RNF138: variants seen among roughly 807,000 people sequenced by gnomAD.
The protein encoded by RNF138 is ring finger protein 138, also known as E3 ubiquitin-protein ligase RNF138.
RNF138 carries 12 observed loss-of-function variants against 31.0 expected under a neutral mutation model. That is an observed-to-expected ratio of 0.39 (90% confidence interval 0.25 to 0.63). The LOEUF is 0.63. Ranked by LOEUF, RNF138 falls within the 20% of genes least tolerant of loss-of-function variation. The pLI is 0.52. For missense variants in RNF138, 192 were observed against 300.1 expected, an observed-to-expected ratio of 0.64 and a Z score of 2.66; for synonymous variants, 105 against 99.5, an observed-to-expected ratio of 1.06 and a Z score of -0.33.
At chr18:32,122,990 T>C (rs912996837) in intron 4 of RNF138, among the ~76,000 whole-genome samples, 6 of 152,342 alleles carry the variant, frequency 3.9e-5, no homozygotes, top group African/African-American at 1.4e-4. Flanking sequence ...AGATGTTAAG[T>C]TGTTCTGTAT....
chr18:32,094,400 A>G (rs2039767727), intron 2 of RNF138, among the ~76,000 whole-genome samples: 1 of 152,084 alleles, frequency 6.6e-6, no homozygotes, highest in African/African-American at 2.4e-5. Flanking sequence ...GTGGATTTTC[A>G]TGATAGAAAT....
At chr18:32,096,221 C>T (rs1033585210) in intron 2 of RNF138, among the ~76,000 whole-genome samples, 3 of 152,160 alleles carry the variant, frequency 2.0e-5, no homozygotes, top group Non-Finnish European at 4.4e-5. Context: ...GCAGCGTGGT[C>T]ACATTTCATT....
intron 2 of RNF138, among the ~76,000 whole-genome samples, chr18:32,099,346 A>T (rs1329714322): frequency 1.3e-5 from 2 of 152,138 alleles, no homozygotes; most frequent in African/African-American, 4.8e-5. Flanking sequence ...CTGAAGAAAC[A>T]TGCTTGGTTG....
rs1352756036 is a variant in RNF138 at position 32,099,909 on chromosome 18, G to T, written c.110+7023G>T. ...TAAATTCTGACAAATGGAATTGCTG[G>T]GTCAAAGGGTAGATACAAACAAATA... is the stretch of plus-strand genomic sequence containing the variant. On this transcript the variant is annotated intron_variant, in intron 2 of 7. Coordinates refer to ENST00000261593, the MANE Select transcript of RNF138 (RefSeq NM_016271.5). Among the ~76,000 whole-genome samples the T allele has an allele frequency of 2.0e-5, 3 of 152,260 alleles. No homozygotes were observed. The South Asian group carries it at 6.2e-4, about 32-fold the overall frequency.
intron 2 of RNF138, among the ~76,000 whole-genome samples, chr18:32,108,761 TG>T (rs2040077211): frequency 6.6e-6 from 1 of 152,110 alleles, no homozygotes; most frequent in Non-Finnish European, 1.5e-5. Context: ...CTTGACCCCC[TG>T]GACTCAAGCA....
intron 4 of RNF138, chr18:32,114,079 T>C (rs974425487): frequency 5.2e-5 from 18 of 346,726 alleles, no homozygotes; most frequent in Non-Finnish European, 7.2e-5. Flanking sequence ...CTTCAGCTTA[T>C]GTTATTTAAA....
At chr18:32,122,503 C>T (rs2040322843) in intron 4 of RNF138, 1 of 152,096 alleles carries the variant, frequency 6.6e-6, no homozygotes, top group Non-Finnish European at 1.5e-5. Context: ...AAGATTTCTA[C>T]TATTGAAAGA....
intron 2 of RNF138, among the ~76,000 whole-genome samples, chr18:32,093,222 G>A (rs1337214964): frequency 2.0e-5 from 3 of 152,062 alleles, no homozygotes; most frequent in Admixed American, 6.5e-5. Context: ...GGCCCCTGTC[G>A]TCTCCGCCAG....
chr18:32,106,838 T>A (rs2040037760), intron 2 of RNF138, among the ~76,000 whole-genome samples: 1 of 152,150 alleles, frequency 6.6e-6, no homozygotes, highest in African/African-American at 2.4e-5. Flanking sequence ...AGTGCTGGTA[T>A]TACAGGCGTG....
At chr18:32,092,632 G>C (rs1598839457) in intron 1 of RNF138, 68 bp from the exon 2 acceptor site, 20 of 646,586 alleles carry the variant, frequency 3.1e-5, no homozygotes, top group Middle Eastern at 3.1e-4. Flanking sequence ...CCTACCCAGG[G>C]CCCCGCCCCC....
chr18:32,123,403 T>C (rs904823770), intron 4 of RNF138, 115 bp from the exon 5 acceptor site: 2 of 640,734 alleles, frequency 3.1e-6, no homozygotes, highest in Admixed American at 3.2e-5. Context: ...GTATTGAAGT[T>C]CAGACTTTTA....
chr18:32,111,951 A>C, intron 3 of RNF138, 32 bp downstream of exon 3: 1 of 1,532,824 alleles, frequency 6.5e-7, no homozygotes, highest in Non-Finnish European at 8.8e-7. Context: ...TCTTCTTTGG[A>C]AGCCAAGTTT....
chr18:32,092,663 C>T (rs956243611), intron 1 of RNF138, 37 bp from the exon 2 acceptor site: 3 of 699,818 alleles, frequency 4.3e-6, no homozygotes, highest in Admixed American at 2.1e-5. Flanking sequence ...GCGCTGTATC[C>T]TGATGCGATC....
At chr18:32,092,417 C>G (rs544274798) in intron 1 of RNF138, among the ~76,000 whole-genome samples, 182 bp downstream of exon 1, 1,867 of 151,808 alleles carry the variant, frequency 0.012, 43 homozygotes, top group African/African-American at 0.043. Flanking sequence ...GAGCCCGCGC[C>G]TGGAGCCCGG....
At chr18:32,103,517 T>C (rs2039976453) in intron 2 of RNF138, among the ~76,000 whole-genome samples, 3 of 152,278 alleles carry the variant, frequency 2.0e-5, no homozygotes, top group Admixed American at 2.0e-4. Context: ...ATTAAACATT[T>C]TTGTGTACCT....
At chr18:32,124,500 C>T in intron 5 of RNF138, 1 of 418,040 alleles carries the variant, frequency 2.4e-6, no homozygotes, top group South Asian at 3.8e-5. Context: ...TTTGTTTTGG[C>T]CTAGAGGTGC....
chr18:32,095,983 A>G (rs2039797854), intron 2 of RNF138, among the ~76,000 whole-genome samples: 2 of 152,160 alleles, frequency 1.3e-5, no homozygotes, highest in Non-Finnish European at 2.9e-5. Flanking sequence ...CAGCGTTTGT[A>G]TTCAGTGTTT....
At position 32,129,248 on chromosome 18, in the gene RNF138, A is replaced by G. The variant is rs1160490784; in HGVS notation, c.*61A>G. On this transcript the variant is annotated 3_prime_UTR_variant, in exon 8 of 8. Coordinates refer to ENST00000261593, the MANE Select transcript of RNF138 (RefSeq NM_016271.5). ...GTGCCATCTTTAAGGGGGAAACTACATGAAGTCACCGTTACAGTAACTTGA... is the reference window on the plus strand; with the variant it reads ...GTGCCATCTTTAAGGGGGAAACTACGTGAAGTCACCGTTACAGTAACTTGA... 4 of 1,077,904 alleles carry G rather than the reference A, an allele frequency of 3.7e-6. No homozygotes were observed. The East Asian group carries it at 7.1e-5, about 19-fold the overall frequency. The allele number at this position is 1,077,904 out of a possible 1,614,324, so 66.8% of individuals were successfully genotyped here. A position where few individuals can be genotyped will look rare whatever the true frequency, so the allele number is the denominator to read the frequency against.
chr18:32,127,603 TA>T (rs2040403280), intron 7 of RNF138, among the ~76,000 whole-genome samples: 1 of 152,224 alleles, frequency 6.6e-6, no homozygotes, highest in Non-Finnish European at 1.5e-5. Context: ...AATTTCAAAA[TA>T]AAAATTCAAA....
Sources: allele counts gnomAD v4.1 joint callset (sites outside exome capture counted in the v4.1 genomes callset), GRCh38; gene constraint gnomAD v4.1.1; transcripts MANE v1.5; gene names NCBI Gene and HGNC (gene_info 2026-07-23, HGNC 2026-07-21).